Variants in OCA2 observed in about 807,000 individuals in gnomAD.
OCA2 encodes OCA2 melanosomal transmembrane protein.
Under a neutral mutation model 100.2 loss-of-function variants are expected in OCA2, and 77 were observed. The ratio of observed to expected loss-of-function variants is 0.77; its 90% CI spans 0.64 to 0.93. OCA2 has a LOEUF of 0.93. Ranked by LOEUF, OCA2 falls within the 40% of genes least tolerant of loss-of-function variation. OCA2 has a pLI of 0.00. For synonymous variants in OCA2, 432 were observed against 439.2 expected, an observed-to-expected ratio of 0.98 and a Z score of 0.21; for missense variants, 1,062 against 1,089.1, an observed-to-expected ratio of 0.98 and a Z score of 0.35.
the OCA2 span, among the ~76,000 whole-genome samples, chr15:27,748,508 G>A: frequency 6.6e-5 from 10 of 152,258 alleles, no homozygotes; most frequent in East Asian, 1.9e-4. Flanking sequence ...CATTGGAGCC[G>A]CAGTGCACAA....
chr15:27,781,825 A>G (rs2032556942), intron 23 of OCA2, among the ~76,000 whole-genome samples: 1 of 152,204 alleles, frequency 6.6e-6, no homozygotes, highest in African/African-American at 2.4e-5. Flanking sequence ...AAAGTTTCAG[A>G]ATTTTAAAAT....
intron 23 of OCA2, among the ~76,000 whole-genome samples, chr15:27,840,133 A>C (rs1331029157): frequency 3.3e-5 from 5 of 152,126 alleles, no homozygotes; most frequent in Admixed American, 2.0e-4. Context: ...ACAAACAAAT[A>C]AAAATAAATG....
chr15:27,839,921 A>G (rs1335633280), intron 23 of OCA2, among the ~76,000 whole-genome samples: 1 of 152,190 alleles, frequency 6.6e-6, no homozygotes, highest in Non-Finnish European at 1.5e-5. Flanking sequence ...AAATTAATAA[A>G]ATAAATAAAA....
rs187947307 is a variant in OCA2, at chr15:27,938,197, T to C, written c.1952-11943A>G. 2.5e-4 allele frequency among the ~76,000 whole-genome samples: 38 copies of C among 152,284 alleles called. No individual in the cohort carries two copies. In the South Asian group the frequency reaches 6.6e-3, roughly 27 times the overall value. ...TTTACAGAGGCCACTGAACCTTACA[T>C]AGATTAGGTCCTCTTAAACCAAATG... On this transcript the variant is annotated intron_variant, in intron 18 of 23. Transcript: ENST00000354638.
At chr15:27,908,096 T>C (rs2038245996) in intron 19 of OCA2, among the ~76,000 whole-genome samples, 1 of 152,098 alleles carries the variant, frequency 6.6e-6, no homozygotes, top group South Asian at 2.1e-4. Context: ...TACTTATGAA[T>C]ATCATGAATT....
At chr15:28,053,774 C>T (rs1356848376) in intron 2 of OCA2, among the ~76,000 whole-genome samples, 2 of 152,208 alleles carry the variant, frequency 1.3e-5, no homozygotes, top group African/African-American at 2.4e-5. Flanking sequence ...CTTTGTCTCA[C>T]GATGCTCAGC....
At chr15:27,851,539 A>G in intron 21 of OCA2, 64 bp from the exon 22 acceptor site, 1 of 1,291,278 alleles carries the variant, frequency 7.7e-7, no homozygotes, top group Non-Finnish European at 1.1e-6. Flanking sequence ...CCATACTGTG[A>G]CCAATTTAGA....
intron 19 of OCA2, among the ~76,000 whole-genome samples, chr15:27,905,486 T>G (rs1343881098): frequency 6.6e-6 from 1 of 152,084 alleles, no homozygotes; most frequent in Non-Finnish European, 1.5e-5. Flanking sequence ...GATCAGAAGG[T>G]CCACCAGAAC....
At chr15:27,825,421 C>T (rs1449818993) in intron 23 of OCA2, among the ~76,000 whole-genome samples, 1 of 152,158 alleles carries the variant, frequency 6.6e-6, no homozygotes, top group Non-Finnish European at 1.5e-5. Flanking sequence ...GAACCTTAGG[C>T]AGGAGGTCCT....
At chr15:27,961,123 C>CT (rs2040398094) in intron 15 of OCA2, among the ~76,000 whole-genome samples, 1 of 152,016 alleles carries the variant, frequency 6.6e-6, no homozygotes, top group South Asian at 2.1e-4. Flanking sequence ...ACAACCCCAT[C>CT]AAAAAGTGGG....
intron 23 of OCA2, among the ~76,000 whole-genome samples, chr15:27,785,025 T>C (rs1197024168): frequency 1.3e-5 from 2 of 151,170 alleles, no homozygotes; most frequent in Admixed American, 6.6e-5. Flanking sequence ...AGCAAACAAA[T>C]CAAAACCAAA....
intron 19 of OCA2, 58 bp from the exon 20 acceptor site, chr15:27,871,980 T>TAA: frequency 1.6e-6 from 2 of 1,280,740 alleles, no homozygotes; most frequent in Non-Finnish European, 2.3e-6. Context: ...ATGCAAGATT[T>TAA]AAAAAAAAAG....
At position 28,024,901 on chromosome 15, in the gene OCA2, G is replaced by T; in HGVS notation, c.517C>A (p.Arg173Ser). ...HIRLRLSKLRRCVQWLKVMGL... is the reference protein window; with the variant it reads ...HIRLRLSKLRSCVQWLKVMGL... ...ATGACTTTCAGCCACTGCACACAGCGCCTGCAAGAGAAAAAGTAGGGCCTT... is the reference window on the plus strand; with the variant it reads ...ATGACTTTCAGCCACTGCACACAGCTCCTGCAAGAGAAAAAGTAGGGCCTT... Residue 173 changes from arginine (R) to serine (S), a missense_variant and splice_region_variant, in exon 5 of 24, where the codon CGC (arginine) becomes AGC (serine). By Grantham distance (110) the Arg-to-Ser change is moderately radical (BLOSUM62 -1). Coordinates refer to ENST00000354638, the MANE Select transcript of OCA2 (RefSeq NM_000275.3). 6.2e-7 allele frequency: 1 copy of T among 1,614,150 alleles called. No homozygotes were observed. Among genetic ancestry groups the T allele is most frequent in the South Asian group, 1.1e-5 (1 of 91,080 alleles).
intron 6 of OCA2, 22 bp from the exon 7 acceptor site, chr15:28,018,579 C>G: frequency 6.2e-7 from 1 of 1,609,584 alleles, no homozygotes; most frequent in South Asian, 1.1e-5. Context: ...TCAAGGAGAA[C>G]CACAAGGCAG....
chr15:27,745,966 C>G, the OCA2 span, among the ~76,000 whole-genome samples: 5 of 152,188 alleles, frequency 3.3e-5, no homozygotes, highest in Non-Finnish European at 7.3e-5. Context: ...CCAATGTACA[C>G]CTTACACGTA....
intron 18 of OCA2, among the ~76,000 whole-genome samples, chr15:27,948,599 G>A (rs2039923226): frequency 6.6e-6 from 1 of 152,070 alleles, no homozygotes; most frequent in Non-Finnish European, 1.5e-5. Flanking sequence ...CCAAGTAGCT[G>A]AGACTACAGG....
intron 19 of OCA2, among the ~76,000 whole-genome samples, chr15:27,882,825 G>A (rs1244430178): frequency 6.6e-6 from 1 of 152,166 alleles, no homozygotes; most frequent in Non-Finnish European, 1.5e-5. Flanking sequence ...CCAGTAGCCA[G>A]CCACATGCTT....
chr15:27,764,373 A>G (rs1012425714), intron 23 of OCA2, among the ~76,000 whole-genome samples: 1 of 152,152 alleles, frequency 6.6e-6, no homozygotes, highest in Non-Finnish European at 1.5e-5. Context: ...GGCATTTTGC[A>G]CATGCCACAA....
rs562954813 is a variant in OCA2 at position 27,986,972 on chromosome 15, G to C, written c.1183-329C>G. ...TTTTATAGACTAGAAAATGGGATCA[G>C]AGTGCGAGGTGGGTTGCTCACAGCC... On this transcript the variant is annotated intron_variant, in intron 11 of 23. Coordinates refer to ENST00000354638, the MANE Select transcript of OCA2 (RefSeq NM_000275.3). Among the ~76,000 whole-genome samples, 62 of 152,342 alleles carry C rather than the reference G, an allele frequency of 4.1e-4. 1 individual carries two copies. The highest frequency in any genetic ancestry group is 1.4e-3 in the African/African-American group (58 of 41,572).
Sources: gnomAD v4.1 joint callset for allele counts (sites outside exome capture counted in the v4.1 genomes callset) on GRCh38, gnomAD v4.1.1 for gene constraint, MANE v1.5 for transcripts, NCBI Gene and HGNC (gene_info 2026-07-23, HGNC 2026-07-21) for gene names.